Variants in MACF1 observed in about 807,000 individuals in gnomAD.
The protein encoded by MACF1 is microtubule actin crosslinking factor 1.
A neutral mutation model predicts 854.8 loss-of-function variants in MACF1; 193 were observed. The ratio of observed to expected loss-of-function variants is 0.23; its 90% confidence interval spans 0.20 to 0.25. The LOEUF (loss-of-function observed/expected upper bound fraction) is 0.25, where lower values mean the gene tolerates loss of function less well. Ranked by LOEUF, MACF1 falls within the 10% of genes least tolerant of loss-of-function variation. The pLI, the probability that MACF1 is intolerant of heterozygous loss-of-function variation, is 1.00. For synonymous variants in MACF1, 3,185 were observed against 3,226.7 expected (o/e 0.99, Z 0.44); for missense variants, 7,722 against 8,929.1 (o/e 0.86, Z 5.45).
intron 2 of MACF1, among the ~76,000 whole-genome samples, chr1:39,092,127 T>C (rs1641823221): frequency 6.6e-6 from 1 of 152,018 alleles, no homozygotes; most frequent in African/African-American, 2.4e-5. Context: ...GGAAAAGAAA[T>C]AGGAATTAGC....
rs1258142434 is a variant in MACF1, at chr1:39,336,254, T to A, written c.9666T>A (p.Cys3222Ter). The change falls in exon 37 of 101, where the codon TGT becomes TGA. Residue 3222 changes from cysteine (C) to a stop codon, truncating the protein, a stop_gained. Transcript: ENST00000564288. LOFTEE classifies it high-confidence loss of function. The part of the protein sequence containing the change: ...HQGSKSDDKL[C>*]GTLKSEIATQ... ...GCAGCAAAAGTGATGATAAACTTTG[T>A]GGAACTCTCAAATCTGAAATAGCAA... The A allele has an allele frequency of 3.1e-6, 5 of 1,614,104 alleles. No individual in the cohort carries two copies. The Admixed American group carries it at 8.3e-5, about 27-fold the overall frequency.
chr1:39,346,608 C>G (rs1647053943), intron 40 of MACF1, among the ~76,000 whole-genome samples: 1 of 151,190 alleles, frequency 6.6e-6, no homozygotes, highest in Non-Finnish European at 1.5e-5. Flanking sequence ...CAACCTCTGC[C>G]TCCCGGGTTC....
chr1:39,367,239 G>T (rs1218587545), intron 49 of MACF1, among the ~76,000 whole-genome samples: 1 of 152,084 alleles, frequency 6.6e-6, no homozygotes, highest in Non-Finnish European at 1.5e-5. Context: ...GAGCCACCGT[G>T]CCTGGCCATA....
intron 2 of MACF1, among the ~76,000 whole-genome samples, chr1:39,112,108 A>G (rs1241951380): frequency 2.7e-5 from 3 of 112,300 alleles, no homozygotes; most frequent in African/African-American, 8.0e-5. Context: ...TTTTTTTGAA[A>G]CAGAGTCTCG....
At chr1:39,288,010 A>AT (rs1228997958) in intron 15 of MACF1, among the ~76,000 whole-genome samples, 1 of 151,902 alleles carries the variant, frequency 6.6e-6, no homozygotes, top group Non-Finnish European at 1.5e-5. Context: ...TACATCTGTT[A>AT]CCTTTTTTTT....
rs1267820932 is a variant in MACF1 at position 39,477,079 on chromosome 1, A to ACACTTAGTG, written c.21959-2719_21959-2718insCACTTAGTG. Among the ~76,000 whole-genome samples the ACACTTAGTG allele has an allele frequency of 4.1e-3, 62 of 15,156 alleles. 3 individuals carry two copies. In the East Asian group the frequency reaches 0.093, roughly 23 times the overall value. 9.9% of individuals were successfully genotyped at this position (15,156 alleles called of 152,430 possible). A position where few individuals can be genotyped will look rare whatever the true frequency, so the allele number is the denominator to read the frequency against. On this transcript the variant is annotated intron_variant, in intron 97 of 100. Transcript: ENST00000564288. ...TATATATATATATATATATATATAT[A>ACACTTAGTG]TATATATATATACACACACACACAT...
chr1:39,232,746 GT>G (rs10712180), intron 2 of MACF1, among the ~76,000 whole-genome samples: 80,551 of 129,420 alleles, frequency 0.62, 25,160 homozygotes, highest in South Asian at 0.79. Context: ...TACTCTCTTT[GT>G]TTTTTTTTTT....
chr1:39,372,366 G>A (rs1649326389), intron 51 of MACF1, 113 bp from the exon 52 acceptor site: 1 of 622,570 alleles, frequency 1.6e-6, no homozygotes, highest in Admixed American at 2.7e-5. Context: ...TAAATCAGAA[G>A]GATGGTCTCT....
chr1:39,435,038 A>C (rs1288816376), intron 69 of MACF1, among the ~76,000 whole-genome samples: 1 of 152,230 alleles, frequency 6.6e-6, no homozygotes, highest in African/African-American at 2.4e-5. Flanking sequence ...ATGACACTTC[A>C]AAATGTTTAT....
intron 2 of MACF1, among the ~76,000 whole-genome samples, chr1:39,187,210 TG>T (rs2148241810): frequency 6.6e-6 from 1 of 152,352 alleles, no homozygotes; most frequent in South Asian, 2.1e-4. Flanking sequence ...ATTTCCTTTT[TG>T]GACCAACTTT....
chr1:39,253,791 T>G (rs1192391764), intron 4 of MACF1, among the ~76,000 whole-genome samples: 1 of 152,200 alleles, frequency 6.6e-6, no homozygotes, highest in Non-Finnish European at 1.5e-5. Flanking sequence ...GTTGGAATTA[T>G]AGGCGTGAGC....
chr1:39,484,579 C>G, intron 99 of MACF1, 22 bp from the exon 100 acceptor site: 2 of 1,602,348 alleles, frequency 1.2e-6, no homozygotes, highest in Non-Finnish European at 1.7e-6. Context: ...TAAAATGTGA[C>G]CTTTTTATTA....
At chr1:39,217,272 ATTT>A (rs1467194538) in intron 1 of MACF1, among the ~76,000 whole-genome samples, 2 of 149,982 alleles carry the variant, frequency 1.3e-5, no homozygotes, top group African/African-American at 4.9e-5. Flanking sequence ...ATTTTATTTT[ATTT>A]TATTTTATTT....
intron 100 of MACF1, 179 bp from the exon 101 acceptor site, chr1:39,485,359 G>A: frequency 1.5e-6 from 1 of 674,926 alleles, no homozygotes; most frequent in Non-Finnish European, 2.4e-6. Flanking sequence ...AGCTTCTCAA[G>A]TAGAATCACA....
In MACF1 at chr1:39,406,756, A is replaced by AAAAAAAAAAAAAAAAAAC. The variant is rs746955922; in HGVS notation, c.15817-15616_15817-15615insAAAAAAAAAAAAAAACAA. On this transcript the variant is annotated intron_variant, in intron 58 of 100. Coordinates refer to ENST00000564288, the MANE Select transcript of MACF1 (RefSeq NM_001394062.1). ...TCTCACTCAAAAAAAAAAAAAAAAA[A>AAAAAAAAAAAAAAAAAAC]AACATTCTTTATAATAGAATAACCA... 8.0e-3 allele frequency among the ~76,000 whole-genome samples: 924 copies of AAAAAAAAAAAAAAAAAAC among 115,918 alleles called. 108 individuals carry two copies. Among genetic ancestry groups the AAAAAAAAAAAAAAAAAAC allele is most frequent in the African/African-American group, 0.012 (317 of 26,046 alleles). The allele number at this position is 115,918 out of a possible 152,430, so 76.0% of individuals were successfully genotyped here. A position where few individuals can be genotyped will look rare whatever the true frequency, so the allele number is the denominator to read the frequency against.
At chr1:39,106,248 A>G (rs1478522924) in intron 2 of MACF1, among the ~76,000 whole-genome samples, 1 of 151,796 alleles carries the variant, frequency 6.6e-6, no homozygotes, top group East Asian at 1.9e-4. Context: ...GTGAGTGTGC[A>G]GTTTTTGGTG....
intron 2 of MACF1, among the ~76,000 whole-genome samples, chr1:39,242,623 G>A (rs1293287098): frequency 6.6e-6 from 1 of 151,286 alleles, no homozygotes; most frequent in Admixed American, 6.6e-5. Flanking sequence ...GGTTGTATGC[G>A]CCTTGGGAGA....
intron 2 of MACF1, among the ~76,000 whole-genome samples, chr1:39,137,631 G>C (rs980015001): frequency 6.6e-6 from 1 of 152,176 alleles, no homozygotes; most frequent in African/African-American, 2.4e-5. Flanking sequence ...CTCCCAAAGA[G>C]CTGGGATTAT....
At position 39,335,595 on chromosome 1, in the gene MACF1, A is replaced by G; in HGVS notation, c.9007A>G (p.Thr3003Ala). The G allele has an allele frequency of 6.2e-7, 1 of 1,614,178 alleles. No individual in the cohort carries two copies. The highest frequency in any genetic ancestry group is 8.5e-7 in the Non-Finnish European group (1 of 1,180,018). ...TTCTGAAGAAAAGTTGTATCAGGAA[A>G]CTGCCATTAGAGATGAGCATGACTC... ...FLSEEKLYQETAIRDEHDSHI... is the reference protein window; with the variant it reads ...FLSEEKLYQEAAIRDEHDSHI... Residue 3003 changes from threonine to alanine, a missense_variant, in exon 37 of 101, where the codon ACT becomes GCT. This residue lies in a region of MACF1 where 854 missense variants were observed against 852.6 expected (regional missense o/e 1.00). Coordinates refer to ENST00000564288, the MANE Select transcript of MACF1 (RefSeq NM_001394062.1).
Sources: allele counts gnomAD v4.1 joint callset (sites outside exome capture counted in the v4.1 genomes callset), GRCh38; gene constraint gnomAD v4.1.1; regional missense constraint gnomAD v4.1.1; transcripts MANE v1.5; gene names NCBI Gene and HGNC (gene_info 2026-07-23, HGNC 2026-07-21).